Variants in NXPH1 observed in about 807,000 individuals in gnomAD.
NXPH1 encodes neurexophilin-1.
In NXPH1, 5 loss-of-function variants were observed where a neutral mutation model predicts 23.7. The ratio of observed to expected loss-of-function variants is 0.21; its 90% confidence interval spans 0.11 to 0.44. The LOEUF (loss-of-function observed/expected upper bound fraction) is 0.44. Among genes scored for constraint, NXPH1 ranks in the 20% least tolerant of loss-of-function variants. The pLI, the probability that NXPH1 is intolerant of heterozygous loss-of-function variation, is 0.99. For missense variants in NXPH1, 324 were observed against 321.6 expected, an observed-to-expected ratio of 1.01 and a Z score of -0.06; for synonymous variants, 144 against 122.2, an observed-to-expected ratio of 1.18 and a Z score of -1.18.
intron 2 of NXPH1, among the ~76,000 whole-genome samples, chr7:8,648,777 T>C (rs1820437004): frequency 6.6e-6 from 1 of 152,192 alleles, no homozygotes; most frequent in Non-Finnish European, 1.5e-5. Context: ...CATTTTTATT[T>C]GTATAATTTA....
intron 2 of NXPH1, among the ~76,000 whole-genome samples, chr7:8,734,740 A>G (rs1780219784): frequency 6.6e-6 from 1 of 152,088 alleles, no homozygotes; most frequent in Non-Finnish European, 1.5e-5. Context: ...CAAGTCCTGA[A>G]TAGCCTTGTT....
At chr7:8,743,933 C>G (rs1417922308) in intron 2 of NXPH1, among the ~76,000 whole-genome samples, 1 of 152,132 alleles carries the variant, frequency 6.6e-6, no homozygotes, top group Non-Finnish European at 1.5e-5. Flanking sequence ...ATCCGCCCGC[C>G]TCGGCCTCCC....
intron 2 of NXPH1, among the ~76,000 whole-genome samples, chr7:8,577,107 A>G (rs893406070): frequency 2.6e-5 from 4 of 152,166 alleles, no homozygotes; most frequent in African/African-American, 4.8e-5. Flanking sequence ...GGAATTCTAA[A>G]AGCTCAAATC....
chr7:8,746,845 C>T (rs764040240), intron 2 of NXPH1, among the ~76,000 whole-genome samples: 21 of 146,726 alleles, frequency 1.4e-4, no homozygotes, highest in Non-Finnish European at 2.1e-4. Context: ...TCTTCTCCCC[C>T]GCTTTCCCCC....
chr7:8,671,729 G>A lies in NXPH1; in HGVS notation c.55-79279G>A, dbSNP rs1583224027. Among the ~76,000 whole-genome samples the A allele has an allele frequency of 1.3e-5, 2 of 152,226 alleles. 1 individual carries two copies. Among genetic ancestry groups the A allele is most frequent in the South Asian group, 4.1e-4 (2 of 4,822 alleles). On this transcript the variant is annotated intron_variant, in intron 2 of 2. Transcript: ENST00000405863. ...GCACTGGTTCTATCATAAGGTTATT[G>A]CATAAATCCTAATTCTGTCACCATT...
intron 2 of NXPH1, among the ~76,000 whole-genome samples, chr7:8,551,855 C>A (rs1259818297): frequency 6.6e-6 from 1 of 151,350 alleles, no homozygotes; most frequent in Non-Finnish European, 1.5e-5. Context: ...TTAGGTTAAA[C>A]AGTCTAATAG....
intron 2 of NXPH1, among the ~76,000 whole-genome samples, chr7:8,550,748 C>A (rs1006081734): frequency 6.6e-6 from 1 of 151,504 alleles, no homozygotes; most frequent in Non-Finnish European, 1.5e-5. Context: ...CATGCATCTG[C>A]AATTTTGGAT....
intron 2 of NXPH1, among the ~76,000 whole-genome samples, chr7:8,562,279 GA>G (rs1298034115): frequency 1.3e-5 from 2 of 151,714 alleles, no homozygotes; most frequent in Non-Finnish European, 3.0e-5. Flanking sequence ...AGGCCAGATG[GA>G]AAATATTGAT....
At chr7:8,525,595 T>C (rs1037428159) in intron 2 of NXPH1, among the ~76,000 whole-genome samples, 1 of 152,124 alleles carries the variant, frequency 6.6e-6, no homozygotes, top group East Asian at 1.9e-4. Context: ...AGTGGTTTCA[T>C]GGGTTGGGCC....
chr7:8,527,247 A>G (rs1318839423), intron 2 of NXPH1, among the ~76,000 whole-genome samples: 1 of 152,220 alleles, frequency 6.6e-6, no homozygotes, highest in Non-Finnish European at 1.5e-5. Context: ...GGAACCACGT[A>G]GTGACGTGTC....
intron 2 of NXPH1, among the ~76,000 whole-genome samples, chr7:8,563,100 T>A (rs1349747794): frequency 6.6e-6 from 1 of 151,782 alleles, no homozygotes; most frequent in Non-Finnish European, 1.5e-5. Context: ...AACATTGACT[T>A]CCAAATCTGT....
At chr7:8,658,165 T>C (rs1053204763) in intron 2 of NXPH1, among the ~76,000 whole-genome samples, 1 of 152,248 alleles carries the variant, frequency 6.6e-6, no homozygotes, top group African/African-American at 2.4e-5. Context: ...GAAAATACAG[T>C]ATTTCTATGT....
chr7:8,536,612 A>G (rs1818030463), intron 2 of NXPH1, among the ~76,000 whole-genome samples: 1 of 151,636 alleles, frequency 6.6e-6, no homozygotes, highest in Non-Finnish European at 1.5e-5. Context: ...GTAGACTTAA[A>G]AAAAGGAAGT....
At chr7:8,501,947 A>T (rs1274170823) in intron 2 of NXPH1, among the ~76,000 whole-genome samples, 1 of 152,196 alleles carries the variant, frequency 6.6e-6, no homozygotes, top group Admixed American at 6.5e-5. Flanking sequence ...TTGGAATATT[A>T]TACAATTAGA....
In NXPH1 at chr7:8,458,896, C is replaced by A. The variant is rs1160026608; in HGVS notation, c.54+23129C>A. ...ACTTTACACAACTGTTTGAAAAGATCCCTCCTGGCATGGAAATAGAATTTT... is the reference window on the plus strand; with the variant it reads ...ACTTTACACAACTGTTTGAAAAGATACCTCCTGGCATGGAAATAGAATTTT... On this transcript the variant is annotated intron_variant, in intron 2 of 2. Coordinates refer to ENST00000405863, the MANE Select transcript of NXPH1 (RefSeq NM_152745.3). Among the ~76,000 whole-genome samples, 6 of 152,186 alleles carry A rather than the reference C, an allele frequency of 3.9e-5. No individual in the cohort carries two copies. In the East Asian group the frequency reaches 1.2e-3, roughly 29 times the overall value.
intron 2 of NXPH1, among the ~76,000 whole-genome samples, chr7:8,488,008 G>T (rs1021204530): frequency 1.3e-5 from 2 of 152,204 alleles, no homozygotes; most frequent in Non-Finnish European, 2.9e-5. Context: ...TTGTAACTTG[G>T]CAGGATTAGG....
At chr7:8,604,901 C>T (rs1324230257) in intron 2 of NXPH1, among the ~76,000 whole-genome samples, 1 of 152,118 alleles carries the variant, frequency 6.6e-6, no homozygotes, top group African/African-American at 2.4e-5. Flanking sequence ...AGAGGGGATA[C>T]ACTGAGTACT....
intron 2 of NXPH1, among the ~76,000 whole-genome samples, chr7:8,639,659 T>A (rs1057150310): frequency 6.6e-6 from 1 of 152,304 alleles, no homozygotes; most frequent in East Asian, 1.9e-4. Context: ...GAATTGTATC[T>A]CCCAGAATTC....
At chr7:8,709,537 C>T (rs779357099) in intron 2 of NXPH1, among the ~76,000 whole-genome samples, 2 of 152,054 alleles carry the variant, frequency 1.3e-5, no homozygotes, top group Non-Finnish European at 2.9e-5. Flanking sequence ...CTGGGGGTTA[C>T]AGTTATCAGA....
Sources: allele counts gnomAD v4.1 joint callset (sites outside exome capture counted in the v4.1 genomes callset), GRCh38; gene constraint gnomAD v4.1.1; transcripts MANE v1.5; gene names NCBI Gene and HGNC (gene_info 2026-07-23, HGNC 2026-07-21).